Variants in PCDHA11 observed in about 807,000 individuals in gnomAD.
PCDHA11 encodes the protein protocadherin alpha 11.
PCDHA11 carries 61 observed loss-of-function variants against 70.3 expected under a neutral mutation model. The ratio of observed to expected loss-of-function variants is 0.87; its 90% CI spans 0.71 to 1.07. The LOEUF is 1.07. Ranked by LOEUF, PCDHA11 falls within the 50% of genes least tolerant of loss-of-function variation. PCDHA11 has a pLI of 0.00. For synonymous variants in PCDHA11, 633 were observed against 555.1 expected (o/e 1.14, Z -1.97); for missense variants, 1,324 against 1,237.5 (o/e 1.07, Z -1.05).
chr5:140,896,046 G>A (rs1430238321), intron 1 of PCDHA11, among the ~76,000 whole-genome samples: 2 of 151,866 alleles, frequency 1.3e-5, no homozygotes, highest in East Asian at 1.9e-4. Context: ...CCTGACCTCA[G>A]GTGATCCGCC....
At chr5:140,945,838 G>A (rs1415502139) in intron 1 of PCDHA11, among the ~76,000 whole-genome samples, 2 of 151,896 alleles carry the variant, frequency 1.3e-5, no homozygotes, top group African/African-American at 4.8e-5. Context: ...AACTCAAAAT[G>A]GATTAAAGAC....
At position 141,009,879 on chromosome 5, in the gene PCDHA11, A is replaced by G; in HGVS notation, c.2792A>G (p.Asn931Ser). Reference protein sequence around the residue: ...TKKKKKKKKGNKTQEKKEKGN... With the variant: ...TKKKKKKKKGSKTQEKKEKGN... ...AAAAAGAAGAAAAAGAAGAAGGGTA[A>G]CAAGACCCAGGAGAAAAAAGAGAAA... Residue 931 changes from asparagine (N) to serine (S), a missense_variant, in exon 4 of 4, where the codon AAC (asparagine) becomes AGC (serine). Asn to Ser is a conservative substitution (Grantham distance 46). Coordinates refer to ENST00000398640, the MANE Select transcript of PCDHA11 (RefSeq NM_018902.5). 12 of 1,613,884 alleles carry G rather than the reference A, an allele frequency of 7.4e-6. No individual in the cohort carries two copies. Among genetic ancestry groups the G allele is most frequent in the Non-Finnish European group, 1.0e-5 (12 of 1,179,984 alleles).
intron 1 of PCDHA11, chr5:140,876,299 A>G: frequency 1.2e-6 from 2 of 1,614,062 alleles, no homozygotes; most frequent in South Asian, 2.2e-5. Context: ...CTTAATGGAG[A>G]AATTTCCTAT....
rs575152424 is a variant in PCDHA11 at position 140,895,872 on chromosome 5, C to T, written c.2391+24378C>T. Among the ~76,000 whole-genome samples, 3 of 152,222 alleles carry T rather than the reference C, an allele frequency of 2.0e-5. No homozygotes were observed. The South Asian group carries it at 6.2e-4, about 32-fold the overall frequency. ...TGTACCCCAGGCTGGAGTGCAATGG[C>T]GCGATCTCGGCTCACTGCAACCTCC... On this transcript the variant is annotated intron_variant, in intron 1 of 3. Transcript: ENST00000398640.
chr5:140,869,665 C>G lies in PCDHA11; in HGVS notation c.562C>G (p.Gln188Glu). 6.2e-7 allele frequency: 1 copy of G among 1,613,338 alleles called. No homozygotes were observed. The highest frequency in any genetic ancestry group is 8.5e-7 in the Non-Finnish European group (1 of 1,179,836). The part of the protein sequence containing the change: ...FSLDSPTNGK[Q>E]IKRLSLILKK... ...TTTAGATTCACCAACAAATGGTAAG[C>G]AGATTAAAAGACTGTCACTTATTTT... Residue 188 changes from glutamine to glutamate, a missense_variant, in exon 1 of 4, where the codon CAG becomes GAG. Transcript: ENST00000398640.
At chr5:140,917,330 A>G (rs155802) in intron 1 of PCDHA11, among the ~76,000 whole-genome samples, 15,235 of 96,446 alleles carry the variant, frequency 0.16, 1,247 homozygotes, top group East Asian at 0.38. Context: ...GTGGCGGGGG[A>G]GGGGGGGGAT....
intron 3 of PCDHA11, among the ~76,000 whole-genome samples, chr5:141,007,567 CA>C (rs1489201842): frequency 6.6e-6 from 1 of 151,954 alleles, no homozygotes; most frequent in Non-Finnish European, 1.5e-5. Flanking sequence ...GGCTCTATCT[CA>C]AATTTAAAAA....
intron 1 of PCDHA11, among the ~76,000 whole-genome samples, chr5:140,939,650 A>G (rs1203077314): frequency 1.3e-5 from 2 of 152,228 alleles, no homozygotes; most frequent in African/African-American, 2.4e-5. Flanking sequence ...GAAAACTTCA[A>G]TAACAGGAAT....
chr5:140,876,738 G>C, intron 1 of PCDHA11: 2 of 1,614,264 alleles, frequency 1.2e-6, no homozygotes, highest in Non-Finnish European at 1.7e-6. Flanking sequence ...CGGCCTATGA[G>C]CTGGTGGTGA....
chr5:140,954,782 C>T (rs894049284), intron 1 of PCDHA11, among the ~76,000 whole-genome samples: 3 of 152,128 alleles, frequency 2.0e-5, no homozygotes, highest in Non-Finnish European at 4.4e-5. Context: ...TTAATTAGAT[C>T]TCATTTGTCA....
intron 1 of PCDHA11, among the ~76,000 whole-genome samples, chr5:140,976,093 A>G (rs782314077): frequency 6.6e-6 from 1 of 152,238 alleles, no homozygotes; most frequent in African/African-American, 2.4e-5. Context: ...TCAGTAGTCA[A>G]CTTTTCAACT....
At chr5:140,966,753 C>T in intron 1 of PCDHA11, 1 of 1,433,176 alleles carries the variant, frequency 7.0e-7, no homozygotes, top group South Asian at 1.5e-5. Context: ...CTGCCTCCGC[C>T]GCGGCCAGTG....
intron 1 of PCDHA11, among the ~76,000 whole-genome samples, chr5:140,890,477 C>G (rs1255992157): frequency 6.6e-6 from 1 of 151,926 alleles, no homozygotes; most frequent in African/African-American, 2.4e-5. Context: ...ATTTTTTGTG[C>G]GTTATTTTTG....
At chr5:140,904,547 T>C (rs1313461939) in intron 1 of PCDHA11, among the ~76,000 whole-genome samples, 1 of 152,116 alleles carries the variant, frequency 6.6e-6, no homozygotes, top group African/African-American at 2.4e-5. Flanking sequence ...ATCTTTTTCA[T>C]ATAATGACTT....
chr5:140,938,698 T>C (rs1430283682), intron 1 of PCDHA11, among the ~76,000 whole-genome samples: 1 of 152,194 alleles, frequency 6.6e-6, no homozygotes, highest in East Asian at 1.9e-4. Context: ...TTTTTAAATA[T>C]ATGTTTATGA....
At chr5:140,999,973 C>A (rs1370727292) in intron 3 of PCDHA11, among the ~76,000 whole-genome samples, 2 of 152,082 alleles carry the variant, frequency 1.3e-5, no homozygotes, top group African/African-American at 4.8e-5. Context: ...AGTAGCAGCT[C>A]TAGCGGCCTC....
rs1554254172 is a variant in PCDHA11, at chr5:140,994,436, C to G, written c.2539+11873C>G. On this transcript the variant is annotated intron_variant, in intron 3 of 3. Coordinates refer to ENST00000398640, the MANE Select transcript of PCDHA11 (RefSeq NM_018902.5). ...TGGATATTGAGGCCGGGCGCAGTGG[C>G]TCACACCTGTGATCCCAGCACTTTG... 1.3e-5 allele frequency among the ~76,000 whole-genome samples: 2 copies of G among 152,164 alleles called. 1 individual carries two copies. Among genetic ancestry groups the G allele is most frequent in the African/African-American group, 4.8e-5 (2 of 41,432 alleles).
rs199571672 is a variant in PCDHA11 at position 140,994,794 on chromosome 5, T to C, written c.2539+12231T>C. On this transcript the variant is annotated intron_variant, in intron 3 of 3. Transcript: ENST00000398640. The stretch of plus-strand genomic sequence containing the variant: ...CCAGGCAAAGGAAACAATGCGTGCA[T>C]GCAAAAACAAAATACAAAAAACTGA... Among the ~76,000 whole-genome samples the C allele has an allele frequency of 7.2e-5, 11 of 152,270 alleles. No individual in the cohort carries two copies. The East Asian group carries it at 2.1e-3, about 29-fold the overall frequency.
At chr5:140,889,302 C>T (rs1323356979) in intron 1 of PCDHA11, among the ~76,000 whole-genome samples, 1 of 151,926 alleles carries the variant, frequency 6.6e-6, no homozygotes, top group Non-Finnish European at 1.5e-5. Flanking sequence ...TTGGAGAACT[C>T]ACTGTTGAAG....
Sources: gnomAD v4.1 joint callset for allele counts (sites outside exome capture counted in the v4.1 genomes callset) on GRCh38, gnomAD v4.1.1 for gene constraint, MANE v1.5 for transcripts, NCBI Gene and HGNC (gene_info 2026-07-23, HGNC 2026-07-21) for gene names.